Variants in RGPD1 observed in about 807,000 individuals in gnomAD.
The protein encoded by RGPD1 is RANBP2-like and GRIP domain-containing protein 1.
Under a neutral mutation model 40.6 loss-of-function variants are expected in RGPD1, and 7 were observed. The observed-to-expected ratio is 0.17, with a 90% CI of 0.10 to 0.32. The LOEUF is 0.32. Ranked by LOEUF, RGPD1 falls within the 10% of genes least tolerant of loss-of-function variation. The probability of loss-of-function intolerance (pLI) is 1.00; values close to 1 mark genes in which losing one functional copy is unlikely to be tolerated. For synonymous variants in RGPD1, 24 were observed against 167.0 expected (o/e 0.14, Z 6.60); for missense variants, 50 against 472.5 (o/e 0.11, Z 8.29).
At chr2:87,007,464 A>G (rs1682096943) in intron 22 of RGPD1, among the ~76,000 whole-genome samples, 1 of 152,274 alleles carries the variant, frequency 6.6e-6, no homozygotes, top group South Asian at 2.1e-4. Context: ...TGCAACCTCC[A>G]CTTCCGAGGT....
At chr2:86,915,325 G>GA (rs1677742383) in intron 1 of RGPD1, among the ~76,000 whole-genome samples, 1 of 150,612 alleles carries the variant, frequency 6.6e-6, no homozygotes. Context: ...GCAGATTGTA[G>GA]ACAAGAATAA....
At chr2:86,913,714 C>T (rs909723579), upstream of RGPD1, 31 of 1,342,552 alleles carry the variant, frequency 2.3e-5, no homozygotes, top group East Asian at 6.6e-4. Context: ...ACAGTGCTGA[C>T]GCAGTACACA....
intron 1 of RGPD1, among the ~76,000 whole-genome samples, chr2:86,915,252 T>C (rs1264652334): frequency 6.6e-6 from 1 of 150,936 alleles, no homozygotes; most frequent in Non-Finnish European, 1.5e-5. Context: ...GCCAAGATCG[T>C]GCCACTGCAC....
At chr2:86,925,263 T>A (rs1282650616) in intron 1 of RGPD1, among the ~76,000 whole-genome samples, 174 of 151,354 alleles carry the variant, frequency 1.1e-3, no homozygotes, top group Non-Finnish European at 1.6e-3. Flanking sequence ...ATCAGTTTTT[T>A]ATTTTATTTT....
Position 86,914,418 on chromosome 2 carries a change from GGGCGGCGGCGGC to G in RGPD1, c.72+543_72+554del, listed in dbSNP as rs1175704937. ...CGGCGGCGGCGGCCTCGACCTGGCC[GGGCGGCGGCGGC>G]GGCGGCGGCGGCGGCGGCGGCGGCG... On this transcript the variant is annotated intron_variant, in intron 1 of 22. Transcript: ENST00000398193. 2.1e-3 allele frequency among the ~76,000 whole-genome samples: 21 copies of G among 9,836 alleles called. 3 individuals carry two copies. The highest frequency in any genetic ancestry group is 3.6e-3 in the Non-Finnish European group (19 of 5,264). The allele number at this position is 9,836 out of a possible 152,430, so 6.5% of individuals were successfully genotyped here.
intron 1 of RGPD1, among the ~76,000 whole-genome samples, chr2:86,929,368 G>A (rs1362789712): frequency 1.3e-4 from 19 of 151,818 alleles, no homozygotes; most frequent in Admixed American, 9.8e-4. Flanking sequence ...TGATGCCCCC[G>A]GAGTTGTGAA....
rs1174110236 is a variant in RGPD1 at position 86,988,441 on chromosome 2, C to CAA, written c.4900+659_4900+660dup. On this transcript the variant is annotated intron_variant, in intron 20 of 22. Coordinates refer to ENST00000641458, the MANE Select transcript of RGPD1 (RefSeq NM_001382344.1). ...GCCTGACTGAGTGAGACTTTGTCTC[C>CAA]AAAAAAAAAAAAAAAAAACAAAAAA... Among the ~76,000 whole-genome samples the CAA allele has an allele frequency of 2.0e-3, 65 of 33,226 alleles. 2 individuals carry two copies. Among genetic ancestry groups the CAA allele is most frequent in the Non-Finnish European group, 3.1e-3 (52 of 16,936 alleles). 21.8% of individuals were successfully genotyped at this position (33,226 alleles called of 152,430 possible). A position where few individuals can be genotyped will look rare whatever the true frequency, so the allele number is the denominator to read the frequency against.
intron 1 of RGPD1, among the ~76,000 whole-genome samples, chr2:86,942,997 G>T (rs1419668512): frequency 1.3e-5 from 2 of 151,908 alleles, no homozygotes; most frequent in Non-Finnish European, 2.9e-5. Context: ...GGGCACCCGG[G>T]TGCTGTATCG....
upstream of RGPD1, chr2:86,942,108 C>T (rs560423469): frequency 2.9e-5 from 38 of 1,307,062 alleles, no homozygotes; most frequent in African/African-American, 3.8e-4. Context: ...TGACGCAGTA[C>T]ACAAGTGCGT....
Position 87,013,436 on chromosome 2 carries a change from A to G in RGPD1, c.*889A>G, listed in dbSNP as rs546754393. On this transcript the variant is annotated 3_prime_UTR_variant, in exon 23 of 23. Transcript: ENST00000641458. ...TCTAGTGGAATCAGACAGGGGGGTT[A>G]CAGGAAATATTCAAGTAAACAATAT... The G allele has an allele frequency of 5.2e-3, 792 of 153,068 alleles. 115 individuals carry two copies. Among genetic ancestry groups the G allele is most frequent in the Non-Finnish European group, 8.0e-3 (641 of 79,762 alleles). The allele number at this position is 153,068 out of a possible 1,614,324, so 9.5% of individuals were successfully genotyped here.
chr2:86,914,847 GGGCGGCGGCGGCGGCGGCGGCGGC>G (rs1168311298), intron 1 of RGPD1, among the ~76,000 whole-genome samples: 38 of 3,066 alleles, frequency 0.012, 5 homozygotes, highest in African/African-American at 0.045. Flanking sequence ...CGACCTGGCC[GGGCGGCGGCGGCGGCGGCGGCGGC>G]GGCGGCGGCG....
chr2:86,929,767 C>T (rs1173071009), intron 1 of RGPD1, among the ~76,000 whole-genome samples: 8 of 127,430 alleles, frequency 6.3e-5, no homozygotes, highest in East Asian at 2.5e-4. Context: ...GTATGTCTTG[C>T]GGGGGTAAAG....
intron 1 of RGPD1, among the ~76,000 whole-genome samples, chr2:86,943,453 C>G (rs1027228088): frequency 6.6e-6 from 1 of 152,030 alleles, no homozygotes; most frequent in Admixed American, 6.6e-5. Flanking sequence ...TTCAATAAGA[C>G]TTTAGTAATT....
intron 1 of RGPD1, among the ~76,000 whole-genome samples, chr2:86,943,020 C>G (rs1358343998): frequency 2.6e-5 from 4 of 151,662 alleles, no homozygotes; most frequent in African/African-American, 9.7e-5. Context: ...GGGTTTCTTC[C>G]CATGTCCTGG....
chr2:86,943,099 G>A (rs1486592890), intron 1 of RGPD1, among the ~76,000 whole-genome samples: 7 of 151,574 alleles, frequency 4.6e-5, no homozygotes, highest in East Asian at 3.9e-4. Flanking sequence ...GGGGACTGAC[G>A]CAGCTCCGGG....
intron 1 of RGPD1, among the ~76,000 whole-genome samples, chr2:86,918,453 C>CCTTTT (rs1248546327): frequency 1.3e-5 from 1 of 78,110 alleles, no homozygotes; most frequent in Non-Finnish European, 2.3e-5. Context: ...CACACCAAAT[C>CCTTTT]TTTTTTTTTT....
At chr2:86,954,713 C>T (rs927763152) in intron 4 of RGPD1, among the ~76,000 whole-genome samples, 4 of 146,954 alleles carry the variant, frequency 2.7e-5, no homozygotes, top group South Asian at 2.2e-4. Flanking sequence ...CTGTTTAACC[C>T]GACCAAAGCA....
chr2:86,915,449 G>A (rs868021568), intron 1 of RGPD1, among the ~76,000 whole-genome samples: 227 of 130,286 alleles, frequency 1.7e-3, no homozygotes, highest in Middle Eastern at 3.5e-3. Context: ...CTAGAAGTAT[G>A]ATAAGCCTAA....
At chr2:86,942,630 T>C (rs1396432974) in intron 1 of RGPD1, among the ~76,000 whole-genome samples, 2 of 128,864 alleles carry the variant, frequency 1.6e-5, no homozygotes, top group Non-Finnish European at 3.4e-5. Context: ...TGGCGCGCTC[T>C]GTTGAGGCGC....
Sources: gnomAD v4.1 joint callset for allele counts (sites outside exome capture counted in the v4.1 genomes callset) on GRCh38, gnomAD v4.1.1 for gene constraint, MANE v1.5 for transcripts, NCBI Gene and HGNC (gene_info 2026-07-23, HGNC 2026-07-21) for gene names.